Variants in DACH1 observed in about 807,000 individuals in gnomAD.
DACH1 encodes dachshund homolog 1.
Under a neutral mutation model 54.2 loss-of-function variants are expected in DACH1, and 12 were observed. The observed-to-expected ratio is 0.22, with a 90% CI of 0.14 to 0.36. The LOEUF (loss-of-function observed/expected upper bound fraction) is 0.36, where lower values mean the gene tolerates loss of function less well. Ranked by LOEUF, DACH1 falls within the 10% of genes least tolerant of loss-of-function variation. DACH1 has a pLI of 1.00. For synonymous variants in DACH1, 386 were observed against 366.2 expected, an observed-to-expected ratio of 1.05 and a Z score of -0.62; for missense variants, 805 against 929.8, an observed-to-expected ratio of 0.87 and a Z score of 1.75.
At chr13:71,621,183 C>T (rs938947949) in intron 3 of DACH1, among the ~76,000 whole-genome samples, 1 of 151,884 alleles carries the variant, frequency 6.6e-6, no homozygotes, top group Non-Finnish European at 1.5e-5. Flanking sequence ...CAAATGACCC[C>T]AAGGAAGTAA....
intron 1 of DACH1, among the ~76,000 whole-genome samples, chr13:71,850,173 TTAAAGTCTGTCTCCCAG>T (rs1873566858): frequency 6.6e-6 from 1 of 152,206 alleles, no homozygotes. Context: ...CTTCCTCTTG[TTAAAGTCTGTCTCCCAG>T]TCAGGATACC....
intron 6 of DACH1, among the ~76,000 whole-genome samples, chr13:71,491,815 C>A (rs1426519601): frequency 6.6e-6 from 1 of 152,058 alleles, no homozygotes; most frequent in African/African-American, 2.4e-5. Flanking sequence ...GACCATGGTT[C>A]CACCTTTTGA....
At chr13:71,558,636 T>C (rs1161128607) in intron 5 of DACH1, among the ~76,000 whole-genome samples, 1 of 152,008 alleles carries the variant, frequency 6.6e-6, no homozygotes, top group African/African-American at 2.4e-5. Context: ...CATAAAAATA[T>C]ACAGTAAATA....
intron 10 of DACH1, among the ~76,000 whole-genome samples, chr13:71,442,452 G>C (rs939399827): frequency 1.3e-5 from 2 of 152,036 alleles, no homozygotes; most frequent in Admixed American, 6.6e-5. Flanking sequence ...GGACAATTAG[G>C]TTGCTTCCAA....
intron 4 of DACH1, among the ~76,000 whole-genome samples, chr13:71,563,439 T>C (rs940357173): frequency 1.3e-5 from 2 of 151,974 alleles, no homozygotes; most frequent in African/African-American, 2.4e-5. Context: ...ATTTAACTCA[T>C]AAAATGCTTA....
chr13:71,539,799 G>A (rs566562386), intron 6 of DACH1, among the ~76,000 whole-genome samples: 1 of 152,098 alleles, frequency 6.6e-6, no homozygotes, highest in African/African-American at 2.4e-5. Flanking sequence ...GTTGATCAAT[G>A]TATTTGTAAG....
chr13:71,812,773 G>GA (rs35280825), intron 1 of DACH1, among the ~76,000 whole-genome samples: 71,721 of 151,898 alleles, frequency 0.47, 18,604 homozygotes, highest in Non-Finnish European at 0.6. Context: ...GGAAAAAAAG[G>GA]AAAAAACCTC....
intron 3 of DACH1, among the ~76,000 whole-genome samples, chr13:71,628,734 G>A (rs1336063765): frequency 6.6e-6 from 1 of 152,044 alleles, no homozygotes. Context: ...CTACAATTTG[G>A]TTAGTAGGCA....
intron 1 of DACH1, among the ~76,000 whole-genome samples, chr13:71,766,050 C>T (rs1001539340): frequency 6.6e-6 from 1 of 152,214 alleles, no homozygotes; most frequent in African/African-American, 2.4e-5. Context: ...CCACGTCCAG[C>T]TAATTTTTTG....
At chr13:71,657,395 G>A (rs759370416) in intron 2 of DACH1, among the ~76,000 whole-genome samples, 2 of 151,968 alleles carry the variant, frequency 1.3e-5, no homozygotes, top group Non-Finnish European at 2.9e-5. Context: ...GGGAGGCTGA[G>A]ATGGGAGGAT....
chr13:71,804,686 C>G (rs1358064538), intron 1 of DACH1, among the ~76,000 whole-genome samples: 1 of 152,058 alleles, frequency 6.6e-6, no homozygotes, highest in African/African-American at 2.4e-5. Flanking sequence ...GCCATTAGCT[C>G]CACCTGTTAA....
chr13:71,761,732 C>T (rs1354999147), intron 1 of DACH1, among the ~76,000 whole-genome samples: 2 of 151,944 alleles, frequency 1.3e-5, no homozygotes, highest in Non-Finnish European at 2.9e-5. Flanking sequence ...CTGATTCTGC[C>T]GGTCCTGGAG....
At chr13:71,865,891 C>T (rs757082711) in intron 1 of DACH1, 31 bp downstream of exon 1, 27 of 1,551,614 alleles carry the variant, frequency 1.7e-5, no homozygotes, top group Non-Finnish European at 2.3e-5. Flanking sequence ...GGAAGGGGCG[C>T]GGGCGGCGGG....
chr13:71,496,261 G>GTATATA lies in DACH1; in HGVS notation c.1571-7119_1571-7114dup, dbSNP rs35142229. On this transcript the variant is annotated intron_variant, in intron 6 of 10. Transcript: ENST00000613252. ...TCCCAAAAAACAAAAAAATTGCTAT[G>GTATATA]TATATATATATATATATATATATAT... Among the ~76,000 whole-genome samples the GTATATA allele has an allele frequency of 2.5e-3, 93 of 37,106 alleles. 1 individual carries two copies. The highest frequency in any genetic ancestry group is 4.1e-3 in the African/African-American group (32 of 7,776). 24.3% of individuals were successfully genotyped at this position (37,106 alleles called of 152,430 possible).
At chr13:71,455,986 A>C (rs1305917182) in intron 10 of DACH1, among the ~76,000 whole-genome samples, 1 of 152,164 alleles carries the variant, frequency 6.6e-6, no homozygotes, top group Non-Finnish European at 1.5e-5. Flanking sequence ...AATGGAAAGC[A>C]GTAACAACAA....
rs1032578978 is a variant in DACH1, at chr13:71,650,483, T to C, written c.965-19766A>G. 2.0e-5 allele frequency among the ~76,000 whole-genome samples: 3 copies of C among 152,288 alleles called. No individual in the cohort carries two copies. The South Asian group carries it at 6.2e-4, about 32-fold the overall frequency. ...TTTACTGAATAAAAGTTAAAATATT[T>C]AATTTTTAACTTCAAACTGTGATTC... On this transcript the variant is annotated intron_variant, in intron 2 of 10. Transcript: ENST00000613252.
intron 1 of DACH1, among the ~76,000 whole-genome samples, chr13:71,712,806 C>T (rs906821740): frequency 6.6e-6 from 1 of 151,822 alleles, no homozygotes; most frequent in African/African-American, 2.4e-5. Flanking sequence ...CTTTACCCCC[C>T]AAAAAATCAA....
chr13:71,781,885 T>G (rs943029596), intron 1 of DACH1, among the ~76,000 whole-genome samples: 1 of 152,176 alleles, frequency 6.6e-6, no homozygotes, highest in Admixed American at 6.5e-5. Context: ...CACAAAAGGT[T>G]TGTGAACCTT....
intron 1 of DACH1, among the ~76,000 whole-genome samples, chr13:71,778,640 T>G (rs929411436): frequency 6.6e-6 from 1 of 152,068 alleles, no homozygotes; most frequent in Non-Finnish European, 1.5e-5. Flanking sequence ...TAAAGAAATA[T>G]AAACTGCAAC....
Sources: gnomAD v4.1 joint callset for allele counts (sites outside exome capture counted in the v4.1 genomes callset) on GRCh38, gnomAD v4.1.1 for gene constraint, MANE v1.5 for transcripts, NCBI Gene and HGNC (gene_info 2026-07-23, HGNC 2026-07-21) for gene names.